Variants in RPTOR observed in about 807,000 individuals in gnomAD.
RPTOR encodes regulatory associated protein of MTOR complex 1, also known as regulatory-associated protein of mTOR.
In RPTOR, 21 loss-of-function variants were observed where a neutral mutation model predicts 169.9. The ratio of observed to expected loss-of-function variants is 0.12; its 90% CI spans 0.09 to 0.18. The LOEUF (loss-of-function observed/expected upper bound fraction) is 0.18. RPTOR is among the 10% of genes least tolerant of loss of function. RPTOR has a pLI of 1.00. For synonymous variants in RPTOR, 732 were observed against 753.2 expected (o/e 0.97, Z 0.46); for missense variants, 1,133 against 1,855.9 (o/e 0.61, Z 7.16).
At chr17:80,784,200 T>G (rs994513044) in intron 6 of RPTOR, among the ~76,000 whole-genome samples, 7 of 151,530 alleles carry the variant, frequency 4.6e-5, no homozygotes, top group Non-Finnish European at 1.5e-5. Flanking sequence ...GTGATCCTCC[T>G]GCCTTGGGCT....
rs200845058 is a variant in RPTOR at position 80,724,268 on chromosome 17, C to A, written c.508-6292C>A. 5.3e-5 allele frequency among the ~76,000 whole-genome samples: 8 copies of A among 151,236 alleles called. No homozygotes were observed. In the East Asian group the frequency reaches 9.7e-4, roughly 18 times the overall value. ...TCTCCTGTTAAGTGAGAAGCCAGGCCATGTCCTGAGAGGTGGGGGCCATGA... is the reference window on the plus strand; with the variant it reads ...TCTCCTGTTAAGTGAGAAGCCAGGCAATGTCCTGAGAGGTGGGGGCCATGA... On this transcript the variant is annotated intron_variant, in intron 4 of 33. Coordinates refer to ENST00000306801, the MANE Select transcript of RPTOR (RefSeq NM_020761.3).
chr17:80,830,458 A>G (rs999807313), intron 9 of RPTOR, among the ~76,000 whole-genome samples: 6 of 152,228 alleles, frequency 3.9e-5, no homozygotes, highest in East Asian at 1.9e-4. Context: ...CCACCCCCCA[A>G]TTCTGAGTGC....
chr17:80,715,541 T>C (rs905256774), intron 4 of RPTOR, among the ~76,000 whole-genome samples: 4 of 152,144 alleles, frequency 2.6e-5, no homozygotes, highest in Non-Finnish European at 2.9e-5. Flanking sequence ...TTGGTAATTG[T>C]CAACCACATG....
chr17:80,685,645 T>TA (rs1235496343), intron 3 of RPTOR, among the ~76,000 whole-genome samples: 2,063 of 73,254 alleles, frequency 0.028, 56 homozygotes, highest in East Asian at 0.11. Flanking sequence ...TTTTTTTTTT[T>TA]TTTTTTTTTT....
chr17:80,766,908 G>T (rs1425213920), intron 6 of RPTOR, among the ~76,000 whole-genome samples: 2 of 152,160 alleles, frequency 1.3e-5, no homozygotes, highest in African/African-American at 2.4e-5. Flanking sequence ...AAAATAAACA[G>T]AAGTTGACCC....
intron 2 of RPTOR, among the ~76,000 whole-genome samples, chr17:80,626,810 A>ATTATTATTT (rs1412496982): frequency 7.0e-5 from 9 of 128,572 alleles, no homozygotes; most frequent in Non-Finnish European, 3.4e-5. Flanking sequence ...TATTATTATT[A>ATTATTATTT]TTTTTCATTC....
At chr17:80,608,168 T>TCCTGCCA (rs1412160886) in intron 1 of RPTOR, among the ~76,000 whole-genome samples, 2 of 152,228 alleles carry the variant, frequency 1.3e-5, no homozygotes, top group African/African-American at 4.8e-5. Context: ...GTTCCCCCAC[T>TCCTGCCA]CCTGCCACCT....
In RPTOR at chr17:80,754,174, C is replaced by T. The variant is rs764865247; in HGVS notation, c.819C>T (p.Ile273=). 8 of 1,603,872 alleles carry T rather than the reference C, an allele frequency of 5.0e-6. No homozygotes were observed. Among genetic ancestry groups the T allele is most frequent in the African/African-American group, 2.7e-5 (2 of 74,796 alleles). ...CCTGCCTCACCACCCCCATCAAGAT[C>T]GCCCTGCGCTGGTGAGTGGCCCCTG... ...FTSCLTTPIK[I]ALRWFCMQKC... Residue 273 remains isoleucine (I), a synonymous_variant, in exon 6 of 34, where the codon ATC becomes ATT. Coordinates refer to ENST00000306801, the MANE Select transcript of RPTOR (RefSeq NM_020761.3). The surrounding 1 kb of genome is among the most constrained non-coding windows in gnomAD (Gnocchi z 4.2).
chr17:80,934,051 A>G (rs1422304229), intron 24 of RPTOR, among the ~76,000 whole-genome samples: 1 of 146,918 alleles, frequency 6.8e-6, no homozygotes, highest in East Asian at 2.0e-4. Flanking sequence ...TAAAATTTAG[A>G]TGAAATAGAC....
At chr17:80,907,643 C>A (rs188019246) in intron 20 of RPTOR, among the ~76,000 whole-genome samples, 11 of 143,786 alleles carry the variant, frequency 7.7e-5, no homozygotes, top group Non-Finnish European at 1.1e-4. Flanking sequence ...GCCTGCCCCC[C>A]CTTCTGGTTT....
intron 1 of RPTOR, among the ~76,000 whole-genome samples, chr17:80,617,954 G>A (rs1280015090): frequency 6.6e-6 from 1 of 152,102 alleles, no homozygotes; most frequent in African/African-American, 2.4e-5. Flanking sequence ...CCTTAAGAAG[G>A]GAGTTTCTTT....
At chr17:80,608,713 T>G (rs1384776357) in intron 1 of RPTOR, among the ~76,000 whole-genome samples, 3 of 152,056 alleles carry the variant, frequency 2.0e-5, no homozygotes, top group Admixed American at 1.3e-4. Flanking sequence ...CGGGGCACTT[T>G]CCCCCCTTCT....
At chr17:80,747,884 A>G (rs1403179125) in intron 5 of RPTOR, among the ~76,000 whole-genome samples, 4 of 152,250 alleles carry the variant, frequency 2.6e-5, no homozygotes, top group Non-Finnish European at 5.9e-5. Context: ...GTTAGATTTC[A>G]GAAGCTTGGC....
chr17:80,877,830 C>T lies in RPTOR; in HGVS notation c.1510-2585C>T, dbSNP rs148722210. On this transcript the variant is annotated intron_variant, in intron 13 of 33. Coordinates refer to ENST00000306801, the MANE Select transcript of RPTOR (RefSeq NM_020761.3). ...GGAGCAGCTTGCAATCTGAGGCCGG[C>T]GCCTGGCTCCCTGACCACCCGCTCC... Among the ~76,000 whole-genome samples, 1,284 of 152,302 alleles carry T rather than the reference C, an allele frequency of 8.4e-3. 19 individuals are homozygous for T. Among genetic ancestry groups the T allele is most frequent in the African/African-American group, 0.029 (1,210 of 41,564 alleles).
Position 80,797,540 on chromosome 17 carries a change from C to T in RPTOR, c.890+6031C>T, listed in dbSNP as rs570214675. On this transcript the variant is annotated intron_variant, in intron 7 of 33. Coordinates refer to ENST00000306801, the MANE Select transcript of RPTOR (RefSeq NM_020761.3). Reference sequence around the variant, plus strand: ...TCAAGTGATCTTCCTGCCTTGGCTTCCCAAAGTGCTTGGATTATAGGCGTG... The same window carrying T: ...TCAAGTGATCTTCCTGCCTTGGCTTTCCAAAGTGCTTGGATTATAGGCGTG... 3.3e-5 allele frequency among the ~76,000 whole-genome samples: 5 copies of T among 152,336 alleles called. No individual in the cohort carries two copies. The South Asian group carries it at 1.0e-3, about 32-fold the overall frequency.
chr17:80,719,631 G>A (rs893455371), intron 4 of RPTOR, among the ~76,000 whole-genome samples: 3 of 152,178 alleles, frequency 2.0e-5, no homozygotes, highest in Non-Finnish European at 4.4e-5. Context: ...GAGGGCAAAG[G>A]ACAGGGGTCA....
chr17:80,591,167 T>C (rs111574066), intron 1 of RPTOR, among the ~76,000 whole-genome samples: 86 of 2,188 alleles, frequency 0.039, no homozygotes, highest in East Asian at 0.045. Context: ...CTCCCCTCCC[T>C]TCCCTTCCCC....
At chr17:80,561,263 G>GTATATATA (rs1555713889) in intron 1 of RPTOR, among the ~76,000 whole-genome samples, 18 of 19,634 alleles carry the variant, frequency 9.2e-4, no homozygotes, top group South Asian at 7.9e-3. Flanking sequence ...ATATATATAT[G>GTATATATA]TATATATATA....
At chr17:80,657,974 G>C (rs938305585) in intron 3 of RPTOR, among the ~76,000 whole-genome samples, 1 of 151,922 alleles carries the variant, frequency 6.6e-6, no homozygotes, top group Non-Finnish European at 1.5e-5. Flanking sequence ...CTACATATTT[G>C]TTTCGTGGTA....
Sources: allele counts gnomAD v4.1 joint callset (sites outside exome capture counted in the v4.1 genomes callset), GRCh38; gene constraint gnomAD v4.1.1; non-coding constraint Gnocchi (gnomAD v3.1); transcripts MANE v1.5; gene names NCBI Gene and HGNC (gene_info 2026-07-23, HGNC 2026-07-21).